Variants in RNFT1 observed in about 807,000 individuals in gnomAD.
The protein encoded by RNFT1 is E3 ubiquitin-protein ligase RNFT1.
In RNFT1, 35 loss-of-function variants were observed where a neutral mutation model predicts 53.2. The ratio of observed to expected loss-of-function variants is 0.66; its 90% CI spans 0.50 to 0.87. The LOEUF (loss-of-function observed/expected upper bound fraction) is 0.87. Among genes scored for constraint, RNFT1 ranks in the 40% least tolerant of loss-of-function variants. The probability of loss-of-function intolerance (pLI) is 0.00; values close to 1 mark genes in which losing one functional copy is unlikely to be tolerated. For missense variants in RNFT1, 421 were observed against 515.0 expected (o/e 0.82, Z 1.77); for synonymous variants, 141 against 172.8 (o/e 0.82, Z 1.44).
At chr17:59,962,011 G>A (rs190905906) in intron 3 of RNFT1, among the ~76,000 whole-genome samples, 29 of 147,042 alleles carry the variant, frequency 2.0e-4, no homozygotes, top group Admixed American at 1.7e-3. Context: ...TCAGCCTCCC[G>A]AGTAGCTGGG....
intron 7 of RNFT1, among the ~76,000 whole-genome samples, chr17:59,955,367 T>TG (rs2045247493): frequency 6.6e-6 from 1 of 152,202 alleles, no homozygotes; most frequent in African/African-American, 2.4e-5. Flanking sequence ...TCTGGCATCT[T>TG]GGAGACTCCC....
In RNFT1 at chr17:59,952,695, T is replaced by G. The variant is rs533975268; in HGVS notation, c.*282A>C. On this transcript the variant is annotated 3_prime_UTR_variant, in exon 9 of 9. Transcript: ENST00000305783. Reference sequence around the variant, plus strand: ...TAGTTCTAATTTCAAATTGCTGTTTTGGTAACATAAAGAAAACACATTTAC... The same window carrying G: ...TAGTTCTAATTTCAAATTGCTGTTTGGGTAACATAAAGAAAACACATTTAC... 52 of 218,114 alleles carry G rather than the reference T, an allele frequency of 2.4e-4. No homozygotes were observed. The highest frequency in any genetic ancestry group is 1.1e-3 in the African/African-American group (50 of 44,034). The allele number at this position is 218,114 out of a possible 1,614,324, so 13.5% of individuals were successfully genotyped here. A position where few individuals can be genotyped will look rare whatever the true frequency, so the allele number is the denominator to read the frequency against.
At position 59,964,625 on chromosome 17, in the gene RNFT1, G is replaced by C; in HGVS notation, c.39C>G (p.Ser13=). 6.2e-7 allele frequency: 1 copy of C among 1,607,660 alleles called. No individual in the cohort carries two copies. The highest frequency in any genetic ancestry group is 8.5e-7 in the Non-Finnish European group (1 of 1,177,236). ...GGCCTAACCTCTCATGACCAGAAGCGGACGGAGGTGTCGGGAGCGACAGCA... is the reference window on the plus strand; with the variant it reads ...GGCCTAACCTCTCATGACCAGAAGCCGACGGAGGTGTCGGGAGCGACAGCA... ...LFLLSLPTPP[S]ASGHERRQRP... Residue 13 remains serine (S), a synonymous_variant, in exon 1 of 9, where the codon TCC becomes TCG. Coordinates refer to ENST00000305783, the MANE Select transcript of RNFT1 (RefSeq NM_016125.4).
intron 1 of RNFT1, 103 bp downstream of exon 1, chr17:59,964,505 G>T: frequency 2.0e-6 from 2 of 1,024,926 alleles, no homozygotes; most frequent in Non-Finnish European, 2.8e-6. Flanking sequence ...CGAGGGCAGA[G>T]TTCTCCACCC....
intron 5 of RNFT1, 149 bp downstream of exon 5, chr17:59,958,142 C>A: frequency 1.4e-6 from 1 of 710,818 alleles, no homozygotes; most frequent in Non-Finnish European, 2.2e-6. Flanking sequence ...AGTGCCTGAA[C>A]AAATGGTTGC....
intron 3 of RNFT1, 143 bp downstream of exon 3, chr17:59,962,397 C>T (rs866585682): frequency 3.6e-6 from 2 of 562,346 alleles, no homozygotes; most frequent in South Asian, 3.0e-5. Context: ...ATTTAGATAA[C>T]AAATTTAACA....
rs11406596 is a variant in RNFT1, at chr17:59,960,437, CA to C, written c.592-270del. On this transcript the variant is annotated intron_variant, in intron 3 of 8. Coordinates refer to ENST00000305783, the MANE Select transcript of RNFT1 (RefSeq NM_016125.4). ...GTTTCAAAGAAGCCAAGTCTTCTCT[CA>C]AAAAAAAAAAAAAAAAAAGAAAATT... Among the ~76,000 whole-genome samples, 83 of 68,340 alleles carry C rather than the reference CA, an allele frequency of 1.2e-3. No homozygotes were observed. In the South Asian group the frequency reaches 0.033, roughly 27 times the overall value. The allele number at this position is 68,340 out of a possible 152,430, so 44.8% of individuals were successfully genotyped here.
chr17:59,954,683 G>T (rs2045243041), intron 7 of RNFT1, among the ~76,000 whole-genome samples: 1 of 152,178 alleles, frequency 6.6e-6, no homozygotes, highest in Non-Finnish European at 1.5e-5. Flanking sequence ...GTCTCCAAGT[G>T]AGTGCAATAT....
At position 59,952,429 on chromosome 17, in the gene RNFT1, T is replaced by C. The variant is rs2045226122; in HGVS notation, c.*548A>G. The C allele has an allele frequency of 6.6e-6, 1 of 152,318 alleles. No homozygotes were observed. Among genetic ancestry groups the C allele is most frequent in the South Asian group, 2.1e-4 (1 of 4,830 alleles). 9.4% of individuals were successfully genotyped at this position (152,318 alleles called of 1,614,324 possible). ...CAGAGAATAATACAATACTATAATGTATCATCCTCAGTAAATTAATCTTCA... is the reference window on the plus strand; with the variant it reads ...CAGAGAATAATACAATACTATAATGCATCATCCTCAGTAAATTAATCTTCA... On this transcript the variant is annotated 3_prime_UTR_variant, in exon 9 of 9. Coordinates refer to ENST00000305783, the MANE Select transcript of RNFT1 (RefSeq NM_016125.4).
chr17:59,962,934 T>C lies in RNFT1; in HGVS notation c.407A>G (p.His136Arg), dbSNP rs149985376. The C allele has an allele frequency of 2.8e-5, 46 of 1,614,212 alleles. No individual in the cohort carries two copies. The African/African-American group carries it at 4.9e-4, about 17-fold the overall frequency. ...TDDTAAESGD[H>R]GSSSFSEFRY... ...GAATTCTGAGAAGGAGCTACTACCA[T>C]GATCTCCAGATTCTGCGGCAGTATC... is the stretch of plus-strand genomic sequence containing the variant. The change falls in exon 2 of 9, where the codon CAT becomes CGT. Residue 136 changes from histidine to arginine, a missense_variant. Transcript: ENST00000305783.
chr17:59,962,443 A>G (rs1488622788), intron 3 of RNFT1, 97 bp downstream of exon 3: 4 of 804,026 alleles, frequency 5.0e-6, no homozygotes, highest in African/African-American at 3.5e-5. Flanking sequence ...ATTACTTCCT[A>G]TTTCTTTCAA....
intron 6 of RNFT1, 83 bp downstream of exon 6, chr17:59,957,141 A>G (rs2045258642): frequency 7.4e-7 from 1 of 1,346,112 alleles, no homozygotes; most frequent in African/African-American, 1.5e-5. Flanking sequence ...AAACTATAAA[A>G]CTGTTAAAAG....
At chr17:59,960,005 C>A (rs1018635419) in intron 4 of RNFT1, 63 bp downstream of exon 4, 5 of 1,480,276 alleles carry the variant, frequency 3.4e-6, no homozygotes, top group Non-Finnish European at 3.6e-6. Context: ...AAGTAAGATA[C>A]AAAGTGCTAT....
chr17:59,958,138 T>C (rs2045265698), intron 5 of RNFT1, among the ~76,000 whole-genome samples, 153 bp downstream of exon 5: 1 of 152,206 alleles, frequency 6.6e-6, no homozygotes, highest in Non-Finnish European at 1.5e-5. Flanking sequence ...TTCAAGTGCC[T>C]GAACAAATGG....
chr17:59,962,686 A>C lies in RNFT1; in HGVS notation c.515-70T>G, dbSNP rs866788774. The C allele has an allele frequency of 3.3e-5, 45 of 1,373,358 alleles. 1 individual carries two copies. The Middle Eastern group carries it at 1.6e-3, about 48-fold the overall frequency. The allele number at this position is 1,373,358 out of a possible 1,614,324, so 85.1% of individuals were successfully genotyped here. On this transcript the variant is annotated intron_variant, in intron 2 of 8. Transcript: ENST00000305783. ...AAGAGGATTATATAAGCTAACAATG[A>C]CACAAATTAAAAATAAACATATACA...
intron 1 of RNFT1, among the ~76,000 whole-genome samples, chr17:59,964,365 G>A (rs1489582658): frequency 6.6e-6 from 1 of 152,176 alleles, no homozygotes; most frequent in Non-Finnish European, 1.5e-5. Flanking sequence ...AAACTGAAGA[G>A]CGACGTTGGA....
Position 59,954,141 on chromosome 17 carries a change from A to G in RNFT1, c.1077T>C (p.Tyr359=), listed in dbSNP as rs777737240. 1.3e-6 allele frequency: 2 copies of G among 1,588,896 alleles called. No homozygotes were observed. Among genetic ancestry groups the G allele is most frequent in the South Asian group, 1.1e-5 (1 of 87,618 alleles). The change falls in exon 8 of 9, where the codon TAT becomes TAC. Residue 359 remains tyrosine, a synonymous_variant. Transcript: ENST00000305783. ...VLRIFFTQPS[Y]GVAASKRQCS... is the part of the protein sequence containing the mutation. ...ACTGTCTCTTGCTGGCAGCCACTCC[A>G]TAACTCTATGAAGATAGTAAGTTCT... is the stretch of plus-strand genomic sequence containing the variant.
chr17:59,962,208 G>T (rs2045298853), intron 3 of RNFT1: 1 of 185,308 alleles, frequency 5.4e-6, no homozygotes, highest in Non-Finnish European at 1.1e-5. Context: ...CATGATGATG[G>T]TCTTACTTAC....
chr17:59,959,853 T>G (rs2045277009), intron 4 of RNFT1: 1 of 278,210 alleles, frequency 3.6e-6, no homozygotes, highest in African/African-American at 2.3e-5. Flanking sequence ...AAGGTTGCAG[T>G]GAGCCAAGAT....
Sources: allele counts gnomAD v4.1 joint callset (sites outside exome capture counted in the v4.1 genomes callset), GRCh38; gene constraint gnomAD v4.1.1; transcripts MANE v1.5; gene names NCBI Gene and HGNC (gene_info 2026-07-23, HGNC 2026-07-21).